ATP11B: variants seen among roughly 807,000 people sequenced by gnomAD.
ATP11B encodes the protein ATPase phospholipid transporting 11B (putative), also known as phospholipid-transporting ATPase IF.
ATP11B carries 81 observed loss-of-function variants against 157.8 expected under a neutral mutation model. The observed-to-expected ratio is 0.51, with a 90% CI of 0.43 to 0.62. ATP11B has a LOEUF of 0.62. Among genes scored for constraint, ATP11B ranks in the 20% least tolerant of loss-of-function variants. The probability of loss-of-function intolerance (pLI) is 0.00; values close to 1 mark genes in which losing one functional copy is unlikely to be tolerated. For missense variants in ATP11B, 1,165 were observed against 1,402.2 expected, an observed-to-expected ratio of 0.83 and a Z score of 2.70; for synonymous variants, 451 against 469.4, an observed-to-expected ratio of 0.96 and a Z score of 0.51.
intron 1 of ATP11B, among the ~76,000 whole-genome samples, chr3:182,804,992 T>G (rs1716241735): frequency 6.6e-6 from 1 of 152,228 alleles, no homozygotes; most frequent in South Asian, 2.1e-4. Context: ...ATACTCAATT[T>G]TATGGATATA....
At chr3:182,797,879 A>G (rs1415411657) in intron 1 of ATP11B, among the ~76,000 whole-genome samples, 2 of 152,186 alleles carry the variant, frequency 1.3e-5, no homozygotes, top group Admixed American at 6.5e-5. Flanking sequence ...CGTGACTTGC[A>G]TCTGTTGCTC....
chr3:182,844,991 T>A (rs1222298665), intron 8 of ATP11B, among the ~76,000 whole-genome samples: 4 of 99,146 alleles, frequency 4.0e-5, no homozygotes, highest in Non-Finnish European at 8.2e-5. Flanking sequence ...CCTTTTTTTT[T>A]TTATTTTTTT....
chr3:182,805,607 A>G (rs1401725414), intron 1 of ATP11B, among the ~76,000 whole-genome samples: 1 of 148,754 alleles, frequency 6.7e-6, no homozygotes, highest in Non-Finnish European at 1.5e-5. Flanking sequence ...GGCGCGTGCT[A>G]CCAGGCCCAG....
intron 1 of ATP11B, 54 bp downstream of exon 1, chr3:182,793,840 G>C: frequency 1.7e-6 from 2 of 1,178,862 alleles, no homozygotes; most frequent in Non-Finnish European, 2.1e-6. Context: ...GGGCCTCTCG[G>C]CCCGGGGTGG....
At chr3:182,808,094 A>C (rs767265870) in intron 1 of ATP11B, among the ~76,000 whole-genome samples, 5 of 152,340 alleles carry the variant, frequency 3.3e-5, no homozygotes, top group Admixed American at 6.5e-5. Flanking sequence ...CAATATAGTA[A>C]GTCCAAGTCT....
At chr3:182,894,533 A>G (rs1723395140) in intron 25 of ATP11B, among the ~76,000 whole-genome samples, 2 of 152,162 alleles carry the variant, frequency 1.3e-5, no homozygotes, top group African/African-American at 4.8e-5. Context: ...TGCCACTCAC[A>G]TTATCACCTA....
intron 28 of ATP11B, among the ~76,000 whole-genome samples, chr3:182,912,746 G>GAGC (rs1724880109): frequency 6.6e-6 from 1 of 152,150 alleles, no homozygotes; most frequent in African/African-American, 2.4e-5. Flanking sequence ...TGTTCATTGT[G>GAGC]AGCATCTCCA....
chr3:182,841,287 TA>T (rs1243080653), intron 7 of ATP11B, among the ~76,000 whole-genome samples: 3 of 152,236 alleles, frequency 2.0e-5, no homozygotes, highest in African/African-American at 7.2e-5. Context: ...ACTTTTTTAT[TA>T]TGTTCATTGC....
intron 25 of ATP11B, among the ~76,000 whole-genome samples, chr3:182,893,583 A>G (rs1354523177): frequency 6.6e-6 from 1 of 151,462 alleles, no homozygotes; most frequent in African/African-American, 2.4e-5. Context: ...TTCTTTATCC[A>G]CTCATTAATC....
At chr3:182,906,461 T>G (rs1035524077) in intron 28 of ATP11B, among the ~76,000 whole-genome samples, 4 of 152,130 alleles carry the variant, frequency 2.6e-5, no homozygotes, top group Non-Finnish European at 5.9e-5. Context: ...ATTTTTTCTT[T>G]GAGACAGGGC....
rs1254876475 is a variant in ATP11B at position 182,860,566 on chromosome 3, T to C, written c.1200+1207T>C. Among the ~76,000 whole-genome samples the C allele has an allele frequency of 2.6e-5, 4 of 152,330 alleles. No homozygotes were observed. In the East Asian group the frequency reaches 7.7e-4, roughly 29 times the overall value. On this transcript the variant is annotated intron_variant, in intron 12 of 29. Transcript: ENST00000323116. Reference sequence around the variant, plus strand: ...TGTCTTTCAATTCTAGGAAATTTTCTTGTACTATTGTTTTGATAACATGTC... The same window carrying C: ...TGTCTTTCAATTCTAGGAAATTTTCCTGTACTATTGTTTTGATAACATGTC...
At chr3:182,880,786 G>A in intron 20 of ATP11B, 93 bp from the exon 21 acceptor site, 1 of 620,814 alleles carries the variant, frequency 1.6e-6, no homozygotes, top group Non-Finnish European at 2.6e-6. Context: ...TCTTTCATTA[G>A]TGTTCTTACT....
At chr3:182,804,203 T>A (rs1298361490) in intron 1 of ATP11B, among the ~76,000 whole-genome samples, 1 of 152,122 alleles carries the variant, frequency 6.6e-6, no homozygotes, top group African/African-American at 2.4e-5. Context: ...AGCATCTCTA[T>A]ACATAATCTA....
At chr3:182,872,683 C>G in intron 18 of ATP11B, 146 bp downstream of exon 18, 1 of 728,078 alleles carries the variant, frequency 1.4e-6, no homozygotes, top group Non-Finnish European at 2.1e-6. Context: ...TTAATTTTTC[C>G]CGGTCAGTAT....
intron 23 of ATP11B, among the ~76,000 whole-genome samples, chr3:182,886,932 A>G (rs570571709): frequency 6.6e-6 from 1 of 152,350 alleles, no homozygotes; most frequent in African/African-American, 2.4e-5. Flanking sequence ...GAACTAAAGA[A>G]TATGCTAAGA....
intron 1 of ATP11B, among the ~76,000 whole-genome samples, chr3:182,810,106 C>G (rs1260528130): frequency 6.6e-6 from 1 of 152,072 alleles, no homozygotes. Flanking sequence ...CCGAGGCGAG[C>G]AGATCACTTG....
chr3:182,869,440 G>A, intron 17 of ATP11B, 109 bp downstream of exon 17: 1 of 709,334 alleles, frequency 1.4e-6, no homozygotes, highest in East Asian at 2.8e-5. Context: ...CTGCAGTTGT[G>A]TTACACTGTG....
At chr3:182,831,872 G>A (rs1718175693) in intron 4 of ATP11B, among the ~76,000 whole-genome samples, 1 of 151,748 alleles carries the variant, frequency 6.6e-6, no homozygotes, top group Admixed American at 6.6e-5. Context: ...CTAGCTCTAC[G>A]GTGCCAGATA....
In ATP11B at chr3:182,850,173, T is replaced by C. The variant is rs942664816; in HGVS notation, c.851+1616T>C. Among the ~76,000 whole-genome samples the C allele has an allele frequency of 3.9e-5, 6 of 152,098 alleles. No homozygotes were observed. The South Asian group carries it at 1.2e-3, about 31-fold the overall frequency. On this transcript the variant is annotated intron_variant, in intron 10 of 29. Coordinates refer to ENST00000323116, the MANE Select transcript of ATP11B (RefSeq NM_014616.3). ...GAAACTGGATCCCTATCTTTCACCATATAAATAATCAACTCAACGCTGAGC... is the reference window on the plus strand; with the variant it reads ...GAAACTGGATCCCTATCTTTCACCACATAAATAATCAACTCAACGCTGAGC...
Sources: allele counts gnomAD v4.1 joint callset (sites outside exome capture counted in the v4.1 genomes callset), GRCh38; gene constraint gnomAD v4.1.1; transcripts MANE v1.5; gene names NCBI Gene and HGNC (gene_info 2026-07-23, HGNC 2026-07-21).